SLC1A4: variants seen among roughly 807,000 people sequenced by gnomAD.
SLC1A4 encodes neutral amino acid transporter A.
SLC1A4 carries 19 observed loss-of-function variants against 37.7 expected under a neutral mutation model. The ratio of observed to expected loss-of-function variants is 0.50; its 90% CI spans 0.35 to 0.74. SLC1A4 has a LOEUF of 0.74. Among genes scored for constraint, SLC1A4 ranks in the 30% least tolerant of loss-of-function variants. SLC1A4 has a pLI of 0.01. For synonymous variants in SLC1A4, 299 were observed against 309.8 expected, an observed-to-expected ratio of 0.97 and a Z score of 0.37; for missense variants, 570 against 712.9, an observed-to-expected ratio of 0.80 and a Z score of 2.28.
rs1407211348 is a variant in SLC1A4 at position 65,021,020 on chromosome 2, G to A, written c.1473G>A (p.Glu491=). The change falls in exon 8 of 8, where the codon GAG becomes GAA. Residue 491 remains glutamate (E), a synonymous_variant. Coordinates refer to ENST00000234256, the MANE Select transcript of SLC1A4 (RefSeq NM_003038.5). The stretch of plus-strand genomic sequence containing the variant: ...AGAAAGGCGAGCAGGAACTTGCTGA[G>A]GTGAAAGTGGAAGCCATCCCCAACT... ...ATKKGEQELA[E]VKVEAIPNCK... 1.9e-6 allele frequency: 3 copies of A among 1,614,242 alleles called. No homozygotes were observed. Among genetic ancestry groups the A allele is most frequent in the Admixed American group, 3.3e-5 (2 of 60,028 alleles).
At chr2:64,991,834 C>A (rs1673072500) in intron 1 of SLC1A4, among the ~76,000 whole-genome samples, 4 of 152,118 alleles carry the variant, frequency 2.6e-5, no homozygotes, top group Non-Finnish European at 4.4e-5. Context: ...ATCTCCTGAC[C>A]TCGTGAGCCA....
Position 65,018,033 on chromosome 2 carries a change from T to C in SLC1A4, c.1035-38T>C, listed in dbSNP as rs373813995. The C allele has an allele frequency of 2.2e-5, 35 of 1,586,426 alleles. No individual in the cohort carries two copies. In the African/African-American group the frequency reaches 3.6e-4, roughly 16 times the overall value. On this transcript the variant is annotated intron_variant, in intron 5 of 7. Coordinates refer to ENST00000234256, the MANE Select transcript of SLC1A4 (RefSeq NM_003038.5). This position sits in a 1 kb window ranked among gnomAD's most constrained non-coding sequence, Gnocchi z 4.3. Reference sequence around the variant, plus strand: ...AGACACATGTTAGCCTGCCTCGGACTGTTGTCATGTCTGGCGGTTTGTTTT... The same window carrying C: ...AGACACATGTTAGCCTGCCTCGGACCGTTGTCATGTCTGGCGGTTTGTTTT...
upstream of SLC1A4, chr2:64,989,334 T>TG (rs1672942501): frequency 4.0e-6 from 1 of 250,542 alleles, no homozygotes. Context: ...GTGAGCGGGC[T>TG]GGGGCCGCTG....
upstream of SLC1A4, among the ~76,000 whole-genome samples, chr2:64,989,052 G>T (rs1461871706): frequency 6.6e-6 from 1 of 152,202 alleles, no homozygotes; most frequent in Middle Eastern, 3.4e-3. Flanking sequence ...GGGCCCGGCA[G>T]GTGCCAAGGA....
Position 65,009,355 on chromosome 2 carries a change from A to G in SLC1A4, c.634-1242A>G, listed in dbSNP as rs570841007. 3.3e-5 allele frequency among the ~76,000 whole-genome samples: 5 copies of G among 152,078 alleles called. No homozygotes were observed. In the East Asian group the frequency reaches 9.7e-4, roughly 29 times the overall value. ...CCCATTGCACTCCAGCCTGGGGAAC[A>G]AGAGCGAAACTCTGTCTCAAAAAGA... On this transcript the variant is annotated intron_variant, in intron 3 of 7. Coordinates refer to ENST00000234256, the MANE Select transcript of SLC1A4 (RefSeq NM_003038.5).
intron 3 of SLC1A4, among the ~76,000 whole-genome samples, chr2:65,006,933 A>C (rs757863747): frequency 2.6e-5 from 4 of 152,152 alleles, no homozygotes; most frequent in Non-Finnish European, 5.9e-5. Flanking sequence ...GAATTAAATC[A>C]ATCAAGGACC....
intron 2 of SLC1A4, among the ~76,000 whole-genome samples, chr2:65,002,769 G>A (rs1187378931): frequency 2.0e-5 from 3 of 151,580 alleles, no homozygotes; most frequent in African/African-American, 7.3e-5. Flanking sequence ...GTAGAGATGG[G>A]GTTTCACCGT....
At chr2:65,003,128 C>T (rs1217675489) in intron 2 of SLC1A4, among the ~76,000 whole-genome samples, 2 of 152,052 alleles carry the variant, frequency 1.3e-5, no homozygotes, top group Admixed American at 1.3e-4. Context: ...GTTTGAACAC[C>T]TCTGCCTTTC....
intron 3 of SLC1A4, among the ~76,000 whole-genome samples, chr2:65,009,934 ATT>A (rs35311819): frequency 6.9e-5 from 10 of 145,434 alleles, no homozygotes; most frequent in African/African-American, 7.5e-5. Flanking sequence ...TCTGAAGGAA[ATT>A]TTTTTTTTTT....
chr2:65,018,243 G>A lies in SLC1A4; in HGVS notation c.1207G>A (p.Ala403Thr), dbSNP rs556018903. The change falls in exon 6 of 8, where the codon GCA becomes ACA. Residue 403 changes from alanine (A) to threonine (T), a missense_variant. Coordinates refer to ENST00000234256, the MANE Select transcript of SLC1A4 (RefSeq NM_003038.5). This position sits in a 1 kb window ranked among gnomAD's most constrained non-coding sequence, Gnocchi z 4.3. ...GCAACTCAACAACGTAGAGCTCAACGCAGGACAGATTTTCACCATTCTGTA... is the reference window on the plus strand; with the variant it reads ...GCAACTCAACAACGTAGAGCTCAACACAGGACAGATTTTCACCATTCTGTA... The part of the protein sequence containing the change: ...IAQLNNVELN[A>T]GQIFTILVTA... 4.2e-5 allele frequency: 67 copies of A among 1,613,928 alleles called. No individual in the cohort carries two copies. The highest frequency in any genetic ancestry group is 3.8e-4 in the East Asian group (17 of 44,872).
At chr2:65,013,755 C>T (rs1674016412) in intron 4 of SLC1A4, among the ~76,000 whole-genome samples, 1 of 152,168 alleles carries the variant, frequency 6.6e-6, no homozygotes, top group Non-Finnish European at 1.5e-5. Flanking sequence ...CCGCTTTCTG[C>T]AATCTTTCTT....
In SLC1A4 at chr2:64,989,726, C is replaced by G; in HGVS notation, c.83C>G (p.Ala28Gly). The G allele has an allele frequency of 6.8e-7, 1 of 1,477,900 alleles. No individual in the cohort carries two copies. The highest frequency in any genetic ancestry group is 8.9e-7 in the Non-Finnish European group (1 of 1,119,190). The allele number at this position is 1,477,900 out of a possible 1,614,324, so 91.5% of individuals were successfully genotyped here. Residue 28 changes from alanine to glycine, a missense_variant, in exon 1 of 8, where the codon GCG (alanine) becomes GGG (glycine). Ala to Gly is a moderately conservative substitution (Grantham distance 60). Coordinates refer to ENST00000234256, the MANE Select transcript of SLC1A4 (RefSeq NM_003038.5). The stretch of plus-strand genomic sequence containing the variant: ...GCCGGGCCCGGAGCTCCGGGGACCG[C>G]GGCGGGACGCGCACGGCGTTGCGCG... The part of the protein sequence containing the change: ...PAAGPGAPGT[A>G]AGRARRCAGF...
intron 4 of SLC1A4, among the ~76,000 whole-genome samples, chr2:65,012,180 C>G (rs901613748): frequency 6.6e-6 from 1 of 151,782 alleles, no homozygotes; most frequent in African/African-American, 2.4e-5. Context: ...AGCTCCACCT[C>G]CCGGGTTCAA....
At position 65,010,609 on chromosome 2, in the gene SLC1A4, A is replaced by T; in HGVS notation, c.646A>T (p.Thr216Ser). 6.2e-7 allele frequency: 1 copy of T among 1,610,372 alleles called. No homozygotes were observed. Among genetic ancestry groups the T allele is most frequent in the Non-Finnish European group, 8.5e-7 (1 of 1,178,440 alleles). The change falls in exon 4 of 8, where the codon ACT becomes TCT. Residue 216 changes from threonine (T) to serine (S), a missense_variant. Transcript: ENST00000234256. ...TCTGATCCTGCAGATCCCCATAGGC[A>T]CTGAGATAGAAGGGATGAACATTTT... is the stretch of plus-strand genomic sequence containing the variant. ...NVTHEKIPIGTEIEGMNILGL... is the reference protein window; with the variant it reads ...NVTHEKIPIGSEIEGMNILGL...
rs1292314021 is a variant in SLC1A4, at chr2:64,989,930, G to A, written c.287G>A (p.Cys96Tyr). Residue 96 changes from cysteine (C) to tyrosine (Y), a missense_variant, in exon 1 of 8, where the codon TGC becomes TAC. Coordinates refer to ENST00000234256, the MANE Select transcript of SLC1A4 (RefSeq NM_003038.5). ...ATGATCATCCTGCCGCTGGTGGTCTGCAGCCTGGTGTCGGGCGCCGCCTCG... is the reference window on the plus strand; with the variant it reads ...ATGATCATCCTGCCGCTGGTGGTCTACAGCCTGGTGTCGGGCGCCGCCTCG... ...LRMIILPLVV[C>Y]SLVSGAASLD... is the part of the protein sequence containing the mutation. 2 of 1,564,910 alleles carry A rather than the reference G, an allele frequency of 1.3e-6. No homozygotes were observed. Among genetic ancestry groups the A allele is most frequent in the Non-Finnish European group, 1.7e-6 (2 of 1,156,800 alleles).
At position 65,020,948 on chromosome 2, in the gene SLC1A4, T is replaced by C. The variant is rs911091329; in HGVS notation, c.1401T>C (p.Asp467=). The C allele has an allele frequency of 6.8e-6, 11 of 1,614,158 alleles. No homozygotes were observed. Among genetic ancestry groups the C allele is most frequent in the Non-Finnish European group, 9.3e-6 (11 of 1,180,016 alleles). ...CCACGGTGGTGAATGTGGAAGGGGA[T>C]GCCCTGGGTGCAGGCATTCTCCACC... ...RTTTVVNVEG[D]ALGAGILHHL... The change falls in exon 8 of 8, where the codon GAT becomes GAC. Residue 467 remains aspartate (D), a synonymous_variant. Coordinates refer to ENST00000234256, the MANE Select transcript of SLC1A4 (RefSeq NM_003038.5).
At chr2:65,006,213 C>A (rs1181122587) in intron 3 of SLC1A4, among the ~76,000 whole-genome samples, 13 of 152,182 alleles carry the variant, frequency 8.5e-5, no homozygotes, top group Non-Finnish European at 2.9e-5. Flanking sequence ...AAGAAAGAGG[C>A]TGGTGCAGTG....
intron 4 of SLC1A4, among the ~76,000 whole-genome samples, chr2:65,015,068 A>G (rs929360175): frequency 2.6e-5 from 4 of 152,254 alleles, no homozygotes; most frequent in Admixed American, 6.5e-5. Context: ...AAGTGGAATA[A>G]CCTAGACACA....
chr2:65,019,800 G>A (rs1380314970), intron 7 of SLC1A4, among the ~76,000 whole-genome samples: 2 of 152,306 alleles, frequency 1.3e-5, no homozygotes, highest in South Asian at 4.1e-4. Context: ...TGTGCGTGGA[G>A]AAGAGGCATC....
Sources: gnomAD v4.1 joint callset for allele counts (sites outside exome capture counted in the v4.1 genomes callset) on GRCh38, gnomAD v4.1.1 for gene constraint, Gnocchi (gnomAD v3.1) non-coding constraint, MANE v1.5 for transcripts, NCBI Gene and HGNC (gene_info 2026-07-23, HGNC 2026-07-21) for gene names.